The following TENM2 variants were observed in gnomAD, a reference collection of about 807,000 sequenced individuals.
TENM2 encodes the protein teneurin transmembrane protein 2.
A neutral mutation model predicts 245.2 loss-of-function variants in TENM2; 52 were observed. The ratio of observed to expected loss-of-function variants is 0.21; its 90% CI spans 0.17 to 0.27. The LOEUF is 0.27. TENM2 is among the 10% of genes least tolerant of loss of function. The pLI is 1.00. For synonymous variants in TENM2, 1,363 were observed against 1,438.9 expected (o/e 0.95, Z 1.19); for missense variants, 3,046 against 3,666.8 (o/e 0.83, Z 4.37).
intron 12 of TENM2, 143 bp downstream of exon 14, chr5:168,127,109 A>G (rs1015715723): frequency 2.7e-6 from 2 of 728,456 alleles, no homozygotes; most frequent in Non-Finnish European, 4.6e-6. Flanking sequence ...AAGGAGAAAA[A>G]TGAGGTCCCT....
In TENM2 at chr5:167,716,041, A is replaced by T. The variant is rs141772741; in HGVS notation, c.503-159945A>T. Among the ~76,000 whole-genome samples the T allele has an allele frequency of 2.3e-3, 356 of 152,304 alleles. 1 individual carries two copies. The highest frequency in any genetic ancestry group is 8.1e-3 in the African/African-American group (338 of 41,564). ...GAGTGAAGGTATAATCCTTGCAGCC[A>T]TTGCACAGACCCACAGGCGTCTGCC... On this transcript the variant is annotated intron_variant, in intron 2 of 28. Transcript: ENST00000518659.
the TENM2 span, among the ~76,000 whole-genome samples, chr5:167,227,197 G>T: frequency 3.3e-5 from 5 of 151,904 alleles, no homozygotes; most frequent in South Asian, 2.1e-4. Flanking sequence ...GATAAGTGTG[G>T]TTTTTTTCCT....
intron 27 of TENM2, among the ~76,000 whole-genome samples, chr5:168,256,448 C>T (rs13164502): frequency 0.38 from 54,001 of 142,622 alleles, 11,294 homozygotes; most frequent in South Asian, 0.51. Context: ...TTTTTTGAGA[C>T]GGAGTCTTGC....
chr5:167,640,818 A>T (rs1779504829), intron 2 of TENM2, among the ~76,000 whole-genome samples: 1 of 126,602 alleles, frequency 7.9e-6, no homozygotes, highest in African/African-American at 2.9e-5. Context: ...TAGAAACAAA[A>T]ATAGAAATAG....
intron 2 of TENM2, among the ~76,000 whole-genome samples, chr5:167,802,898 G>C (rs866911917): frequency 5.8e-4 from 88 of 152,278 alleles, no homozygotes; most frequent in Middle Eastern, 6.8e-3. Flanking sequence ...TATTTCCTAA[G>C]ATGCCAAATC....
chr5:168,164,539 C>T (rs1286143761), intron 13 of TENM2, among the ~76,000 whole-genome samples: 1 of 152,138 alleles, frequency 6.6e-6, no homozygotes, highest in East Asian at 1.9e-4. Flanking sequence ...CCATCAAAGC[C>T]TAAAACATTT....
At chr5:168,208,245 C>A (rs1368934681) in intron 19 of TENM2, among the ~76,000 whole-genome samples, 2 of 152,168 alleles carry the variant, frequency 1.3e-5, no homozygotes, top group Non-Finnish European at 2.9e-5. Flanking sequence ...ACATAAGAAT[C>A]TCACACCTTA....
At chr5:167,188,153 A>T in the TENM2 span, among the ~76,000 whole-genome samples, 1 of 152,152 alleles carries the variant, frequency 6.6e-6, no homozygotes, top group African/African-American at 2.4e-5. Flanking sequence ...TCCCTAATGC[A>T]CTATAGCCCA....
intron 6 of TENM2, 37 bp downstream of exon 8, chr5:168,047,586 C>A (rs2152037654): frequency 6.5e-7 from 1 of 1,544,010 alleles, no homozygotes; most frequent in East Asian, 2.5e-5. Context: ...CTTGAGGTCA[C>A]AGGAAAATTC....
chr5:167,845,637 G>A (rs986051285), intron 2 of TENM2, among the ~76,000 whole-genome samples: 2 of 152,104 alleles, frequency 1.3e-5, no homozygotes, highest in African/African-American at 4.8e-5. Context: ...CCCACTGAAG[G>A]CATTCAGTGT....
intron 1 of TENM2, among the ~76,000 whole-genome samples, chr5:167,310,476 A>C (rs182959078): frequency 7.9e-5 from 12 of 152,302 alleles, no homozygotes; most frequent in Admixed American, 2.0e-4. Context: ...TCAAAAAATA[A>C]AAAAAGAAAA....
At chr5:167,481,537 T>C (rs1440334161) in intron 2 of TENM2, among the ~76,000 whole-genome samples, 3 of 152,182 alleles carry the variant, frequency 2.0e-5, no homozygotes, top group Non-Finnish European at 4.4e-5. Flanking sequence ...AGAGACCATG[T>C]GTGACGCTCC....
At chr5:168,123,472 A>C (rs1452156801) in intron 10 of TENM2, among the ~76,000 whole-genome samples, 1 of 152,266 alleles carries the variant, frequency 6.6e-6, no homozygotes, top group African/African-American at 2.4e-5. Flanking sequence ...TACATATTTC[A>C]ATCTTGGCAT....
chr5:167,983,710 C>A (rs1783019657), intron 4 of TENM2, among the ~76,000 whole-genome samples: 1 of 152,110 alleles, frequency 6.6e-6, no homozygotes, highest in African/African-American at 2.4e-5. Flanking sequence ...AACTGTAAGT[C>A]CTATTTTAAA....
At chr5:167,852,557 C>A (rs1013560471) in intron 2 of TENM2, among the ~76,000 whole-genome samples, 1 of 152,154 alleles carries the variant, frequency 6.6e-6, no homozygotes, top group Non-Finnish European at 1.5e-5. Flanking sequence ...TTTAACAAGA[C>A]AAGAATTTAG....
rs147721020 is a variant in TENM2 at position 167,788,705 on chromosome 5, T to G, written c.503-87281T>G. 3.4e-4 allele frequency among the ~76,000 whole-genome samples: 52 copies of G among 152,306 alleles called. 1 individual carries two copies. The highest frequency in any genetic ancestry group is 1.1e-3 in the African/African-American group (46 of 41,582). On this transcript the variant is annotated intron_variant, in intron 2 of 28. Transcript: ENST00000518659. ...CTTAGATTTCCAGTGACATAGTGTCTCTCACGCTCACTATGGTCCAATGGC... is the reference window on the plus strand; with the variant it reads ...CTTAGATTTCCAGTGACATAGTGTCGCTCACGCTCACTATGGTCCAATGGC...
At chr5:167,108,726 C>T in the TENM2 span, among the ~76,000 whole-genome samples, 1 of 152,182 alleles carries the variant, frequency 6.6e-6, no homozygotes, top group Non-Finnish European at 1.5e-5. Context: ...AGCACCATTC[C>T]CATATGTAAG....
chr5:167,136,233 T>G, the TENM2 span, among the ~76,000 whole-genome samples: 2 of 152,228 alleles, frequency 1.3e-5, no homozygotes, highest in Non-Finnish European at 2.9e-5. Flanking sequence ...CTATTCTCAC[T>G]TTCTCCTCAT....
the TENM2 span, among the ~76,000 whole-genome samples, chr5:167,020,709 C>G: frequency 1.3e-5 from 2 of 152,138 alleles, no homozygotes; most frequent in African/African-American, 2.4e-5. Flanking sequence ...CTCTTGTTAC[C>G]AAGGTTTGCC....
Sources: gnomAD v4.1 joint callset for allele counts (sites outside exome capture counted in the v4.1 genomes callset) on GRCh38, gnomAD v4.1.1 for gene constraint, MANE v1.5 for transcripts, NCBI Gene and HGNC (gene_info 2026-07-23, HGNC 2026-07-21) for gene names.